The following CROCC2 variants were observed in gnomAD, a reference collection of about 807,000 sequenced individuals.
CROCC2 encodes ciliary rootlet coiled-coil, rootletin family member 2.
In CROCC2, 163 loss-of-function variants were observed where a neutral mutation model predicts 177.6. That is an observed-to-expected ratio of 0.92 (90% CI 0.81 to 1.05). CROCC2 has a LOEUF of 1.05. Ranked by LOEUF, CROCC2 falls within the 50% of genes least tolerant of loss-of-function variation. The pLI is 0.00. For synonymous variants in CROCC2, 904 were observed against 787.3 expected, an observed-to-expected ratio of 1.15 and a Z score of -2.48; for missense variants, 1,929 against 1,797.8, an observed-to-expected ratio of 1.07 and a Z score of -1.32.
intron 14 of CROCC2, among the ~76,000 whole-genome samples, chr2:240,942,940 G>C (rs946613924): frequency 9.2e-5 from 14 of 151,748 alleles, no homozygotes; most frequent in African/African-American, 3.4e-4. Flanking sequence ...CTATTTTTTT[G>C]TTCAGATTCG....
chr2:240,933,602 C>A, intron 10 of CROCC2, 68 bp from the exon 11 acceptor site: 1 of 1,497,094 alleles, frequency 6.7e-7, no homozygotes, highest in Non-Finnish European at 9.0e-7. Context: ...CCCCCAATGC[C>A]CACCAAGGCA....
intron 29 of CROCC2, 124 bp downstream of exon 29, chr2:240,988,994 G>A: frequency 1.9e-6 from 2 of 1,074,542 alleles, no homozygotes; most frequent in Non-Finnish European, 2.4e-6. Flanking sequence ...GCACACATGG[G>A]GAGGGTGGCT....
In CROCC2 at chr2:240,993,220, A is replaced by G; in HGVS notation, c.*139A>G. 1.6e-6 allele frequency: 1 copy of G among 622,378 alleles called. No homozygotes were observed. 38.6% of individuals were successfully genotyped at this position (622,378 alleles called of 1,614,324 possible). On this transcript the variant is annotated 3_prime_UTR_variant, in exon 32 of 32. Coordinates refer to ENST00000690015, the MANE Select transcript of CROCC2 (RefSeq NM_001351305.2). ...ACAGCTCGCTCTCGGCAGTTTCAGG[A>G]CCCTCCTTGCCCTGGCTGCTCATGG...
Position 240,949,043 on chromosome 2 carries a change from G to C in CROCC2, c.2428G>C (p.Glu810Gln), listed in dbSNP as rs544725550. 2 of 1,549,648 alleles carry C rather than the reference G, an allele frequency of 1.3e-6. No individual in the cohort carries two copies. The highest frequency in any genetic ancestry group is 1.7e-6 in the Non-Finnish European group (2 of 1,146,818). ...EAQQLATKLQ[E>Q]QLEEEARSAG... The stretch of plus-strand genomic sequence containing the variant: ...CCAACAGCTGGCCACAAAGCTGCAG[G>C]AGCAGCTGGAGGAGGAAGCCCGGAG... Residue 810 changes from glutamate (E) to glutamine (Q), a missense_variant, in exon 16 of 32, where the codon GAG becomes CAG. Physicochemically the swap from Glu to Gln is conservative, Grantham distance 29. This residue lies in a region of CROCC2 where 1,397 missense variants were observed against 1,239.9 expected (regional missense o/e 1.13). Coordinates refer to ENST00000690015, the MANE Select transcript of CROCC2 (RefSeq NM_001351305.2). This position sits in a 1 kb window ranked among gnomAD's most constrained non-coding sequence, Gnocchi z 4.5.
chr2:240,940,952 C>A (rs2059491782), intron 14 of CROCC2, among the ~76,000 whole-genome samples: 1 of 152,074 alleles, frequency 6.6e-6, no homozygotes, highest in Admixed American at 6.6e-5. Context: ...AGACTCCTCC[C>A]AAAACCTCCT....
chr2:240,956,317 C>T (rs1412618428), intron 19 of CROCC2: 4 of 289,658 alleles, frequency 1.4e-5, no homozygotes, highest in South Asian at 6.8e-5. Context: ...TGGAGCTGCT[C>T]GTAGAAAAGC....
intron 15 of CROCC2, among the ~76,000 whole-genome samples, chr2:240,947,267 T>C (rs533632514): frequency 6.6e-5 from 10 of 152,352 alleles, no homozygotes; most frequent in African/African-American, 2.4e-4. Flanking sequence ...GTTGGGCTCC[T>C]GCCCATGCTC....
At chr2:240,943,842 C>T (rs542313197) in intron 14 of CROCC2, among the ~76,000 whole-genome samples, 1 of 152,208 alleles carries the variant, frequency 6.6e-6, no homozygotes, top group African/African-American at 2.4e-5. Context: ...TGGCAGATAC[C>T]TCAAAGGGGA....
At chr2:240,991,377 C>T (rs2059878477) in intron 31 of CROCC2, 99 bp downstream of exon 31, 2 of 1,030,548 alleles carry the variant, frequency 1.9e-6, no homozygotes, top group Admixed American at 3.0e-5. Flanking sequence ...CCCTAGGCTG[C>T]TGGGGGAACC....
chr2:240,914,714 G>A (rs955835756), intron 1 of CROCC2, among the ~76,000 whole-genome samples: 2 of 152,180 alleles, frequency 1.3e-5, no homozygotes, highest in African/African-American at 2.4e-5. Context: ...GTGGGTGGGC[G>A]GGGGTCCCGA....
At chr2:240,975,513 T>A (rs980831434) in intron 27 of CROCC2, among the ~76,000 whole-genome samples, 2 of 152,170 alleles carry the variant, frequency 1.3e-5, no homozygotes, top group Non-Finnish European at 2.9e-5. Flanking sequence ...AGGACCCCAA[T>A]TCCAGAGCCC....
chr2:240,970,449 C>G (rs1481210804), intron 27 of CROCC2, among the ~76,000 whole-genome samples: 1 of 152,228 alleles, frequency 6.6e-6, no homozygotes, highest in Non-Finnish European at 1.5e-5. Context: ...AGGACACTTT[C>G]TCCTTTCCGT....
At chr2:240,938,279 G>T (rs2059480826) in intron 14 of CROCC2, among the ~76,000 whole-genome samples, 1 of 152,180 alleles carries the variant, frequency 6.6e-6, no homozygotes, top group Admixed American at 6.5e-5. Flanking sequence ...AAGAACTAAG[G>T]TCCATTATTT....
At chr2:240,916,176 A>C (rs565256494) in intron 1 of CROCC2, among the ~76,000 whole-genome samples, 1 of 152,004 alleles carries the variant, frequency 6.6e-6, no homozygotes, top group East Asian at 1.9e-4. Context: ...GCGGGGTCCT[A>C]AGCGCTTAGG....
chr2:240,993,112 G>C lies in CROCC2; in HGVS notation c.*31G>C. On this transcript the variant is annotated 3_prime_UTR_variant, in exon 32 of 32. Coordinates refer to ENST00000690015, the MANE Select transcript of CROCC2 (RefSeq NM_001351305.2). Reference sequence around the variant, plus strand: ...CCAGCACAGGGGAGGCGCCCAGCGTGGCTGCAGAGGAAGGGAACGCACCGC... The same window carrying C: ...CCAGCACAGGGGAGGCGCCCAGCGTCGCTGCAGAGGAAGGGAACGCACCGC... The C allele has an allele frequency of 1.4e-6, 1 of 716,210 alleles. No homozygotes were observed. The highest frequency in any genetic ancestry group is 1.5e-5 in the South Asian group (1 of 67,464). 44.4% of individuals were successfully genotyped at this position (716,210 alleles called of 1,614,324 possible). A position where few individuals can be genotyped will look rare whatever the true frequency, so the allele number is the denominator to read the frequency against.
intron 31 of CROCC2, 137 bp downstream of exon 31, chr2:240,991,415 T>A: frequency 2.8e-6 from 2 of 721,026 alleles, no homozygotes; most frequent in Non-Finnish European, 4.4e-6. Context: ...TGCCTTGTGC[T>A]CTGCACAAGA....
intron 12 of CROCC2, 132 bp from the exon 13 acceptor site, chr2:240,934,784 C>T (rs2059457017): frequency 9.6e-7 from 1 of 1,041,472 alleles, no homozygotes; most frequent in Non-Finnish European, 1.3e-6. Flanking sequence ...ACTGTGGCGA[C>T]CTTCCCACCA....
chr2:240,970,162 C>G (rs117943177), intron 27 of CROCC2, among the ~76,000 whole-genome samples: 1 of 152,300 alleles, frequency 6.6e-6, no homozygotes, highest in East Asian at 1.9e-4. Context: ...TTGTCAATGT[C>G]TCCTTTTATT....
chr2:240,988,196 A>G (rs535661956), intron 28 of CROCC2, among the ~76,000 whole-genome samples: 2 of 152,218 alleles, frequency 1.3e-5, no homozygotes, highest in South Asian at 2.1e-4. Context: ...CTAAGGAGGG[A>G]GCACATTGGG....
Sources: gnomAD v4.1 joint callset for allele counts (sites outside exome capture counted in the v4.1 genomes callset) on GRCh38, gnomAD v4.1.1 for gene constraint, gnomAD v4.1.1 regional missense constraint, Gnocchi (gnomAD v3.1) non-coding constraint, MANE v1.5 for transcripts, NCBI Gene and HGNC (gene_info 2026-07-23, HGNC 2026-07-21) for gene names.